The following KCNH7 variants were observed in gnomAD, a reference collection of about 807,000 sequenced individuals.
The protein encoded by KCNH7 is voltage-gated inwardly rectifying potassium channel KCNH7.
A neutral mutation model predicts 120.8 loss-of-function variants in KCNH7; 49 were observed. The ratio of observed to expected loss-of-function variants is 0.41; its 90% CI spans 0.32 to 0.51. The LOEUF (loss-of-function observed/expected upper bound fraction) is 0.51. Ranked by LOEUF, KCNH7 falls within the 20% of genes least tolerant of loss-of-function variation. The pLI, the probability that KCNH7 is intolerant of heterozygous loss-of-function variation, is 0.38. For missense variants in KCNH7, 1,097 were observed against 1,446.6 expected (o/e 0.76, Z 3.92); for synonymous variants, 547 against 516.1 (o/e 1.06, Z -0.81).
chr2:162,517,772 C>T lies in KCNH7; in HGVS notation c.850G>A (p.Val284Ile), dbSNP rs756374542. 38 of 1,587,034 alleles carry T rather than the reference C, an allele frequency of 2.4e-5. No homozygotes were observed. The highest frequency in any genetic ancestry group is 6.7e-5 in the South Asian group (6 of 89,396). The part of the protein sequence containing the change: ...SSVHDIEGFG[V>I]HPKNIFRDRH... The stretch of plus-strand genomic sequence containing the variant: ...TCTCTAAATATGTTCTTGGGGTGGA[C>T]GCCGAATCCTTCTATATCATGGACC... The change falls in exon 4 of 16, where the codon GTC becomes ATC. Residue 284 changes from valine (V) to isoleucine (I), a missense_variant. This residue lies in a region of KCNH7 where 362 missense variants were observed against 372.2 expected (regional missense o/e 0.97). Coordinates refer to ENST00000332142, the MANE Select transcript of KCNH7 (RefSeq NM_033272.4).
chr2:162,377,424 A>G (rs1283532672), intron 14 of KCNH7, among the ~76,000 whole-genome samples: 4 of 152,210 alleles, frequency 2.6e-5, no homozygotes, highest in Non-Finnish European at 5.9e-5. Flanking sequence ...TATTCATGCC[A>G]TAGTAAAGTA....
At chr2:162,696,022 C>T (rs1686274569) in intron 2 of KCNH7, among the ~76,000 whole-genome samples, 1 of 152,126 alleles carries the variant, frequency 6.6e-6, no homozygotes, top group South Asian at 2.1e-4. Flanking sequence ...ATATTGTTTG[C>T]ATAAGCTTTT....
At chr2:162,802,078 T>C (rs1475606673) in intron 2 of KCNH7, among the ~76,000 whole-genome samples, 1 of 151,796 alleles carries the variant, frequency 6.6e-6, no homozygotes, top group Admixed American at 6.6e-5. Flanking sequence ...CCCCAGAGTT[T>C]CAGATTCAGT....
rs182639043 is a variant in KCNH7 at position 162,383,723 on chromosome 2, A to G, written c.2962+965T>C. 7.9e-5 allele frequency among the ~76,000 whole-genome samples: 12 copies of G among 152,072 alleles called. No homozygotes were observed. The East Asian group carries it at 2.3e-3, about 29-fold the overall frequency. On this transcript the variant is annotated intron_variant, in intron 13 of 15. Transcript: ENST00000332142. ...CTTCCTAATCTTTACATTTTTATAC[A>G]TCCAGGGATATATTAAATTATTAAA...
In KCNH7 at chr2:162,629,878, A is replaced by G. The variant is rs183872161; in HGVS notation, c.308-92798T>C. Among the ~76,000 whole-genome samples, 64 of 152,258 alleles carry G rather than the reference A, an allele frequency of 4.2e-4. 2 individuals carry two copies. The East Asian group carries it at 0.011, about 26-fold the overall frequency. On this transcript the variant is annotated intron_variant, in intron 2 of 15. Transcript: ENST00000332142. The stretch of plus-strand genomic sequence containing the variant: ...CATTGAATTACTAATAGTGACAGAT[A>G]TAACAATACTAGAATTTAGATTTAC...
At chr2:162,627,013 C>A (rs1171390242) in intron 2 of KCNH7, among the ~76,000 whole-genome samples, 1 of 152,144 alleles carries the variant, frequency 6.6e-6, no homozygotes, top group Non-Finnish European at 1.5e-5. Flanking sequence ...ATAGAATGCA[C>A]TCCAATAAAA....
chr2:162,591,103 C>T (rs1694200779), intron 2 of KCNH7, among the ~76,000 whole-genome samples: 1 of 152,064 alleles, frequency 6.6e-6, no homozygotes, highest in South Asian at 2.1e-4. Context: ...TCTCCCTCTC[C>T]ACCTGTAAGG....
At chr2:162,516,476 A>C (rs1691301538) in intron 4 of KCNH7, among the ~76,000 whole-genome samples, 1 of 151,766 alleles carries the variant, frequency 6.6e-6, no homozygotes, top group Non-Finnish European at 1.5e-5. Context: ...ATATCTGTGC[A>C]GATGTAGAAT....
At chr2:162,423,604 C>A in intron 8 of KCNH7, 69 bp from the exon 9 acceptor site, 2 of 1,375,254 alleles carry the variant, frequency 1.5e-6, no homozygotes, top group South Asian at 1.3e-5. Flanking sequence ...GTTAGAGTAT[C>A]AAGCATGTGG....
chr2:162,599,954 A>G (rs1234227348), intron 2 of KCNH7, among the ~76,000 whole-genome samples: 4 of 152,066 alleles, frequency 2.6e-5, no homozygotes, highest in Non-Finnish European at 5.9e-5. Context: ...TTGGAGGTCT[A>G]TTTAGTATTT....
At chr2:162,723,787 G>A (rs932480623) in intron 2 of KCNH7, among the ~76,000 whole-genome samples, 3 of 152,110 alleles carry the variant, frequency 2.0e-5, no homozygotes, top group African/African-American at 7.2e-5. Context: ...ACCCACAGGT[G>A]GTGAGGAATT....
At chr2:162,825,924 G>A (rs374209568) in intron 2 of KCNH7, among the ~76,000 whole-genome samples, 1 of 151,984 alleles carries the variant, frequency 6.6e-6, no homozygotes, top group Non-Finnish European at 1.5e-5. Context: ...TTGTAACAGT[G>A]GATATCTGTT....
At chr2:162,574,562 G>C (rs1277705926) in intron 2 of KCNH7, among the ~76,000 whole-genome samples, 11 of 152,056 alleles carry the variant, frequency 7.2e-5, no homozygotes, top group Admixed American at 7.2e-4. Flanking sequence ...AAACTGCTTA[G>C]AGCCAAGAGT....
intron 2 of KCNH7, among the ~76,000 whole-genome samples, chr2:162,778,204 T>G (rs1574376877): frequency 6.6e-6 from 1 of 152,276 alleles, no homozygotes; most frequent in East Asian, 1.9e-4. Context: ...CTAATCTCAG[T>G]GCTCTATATA....
chr2:162,766,734 A>G (rs1682824612), intron 2 of KCNH7, among the ~76,000 whole-genome samples: 1 of 152,088 alleles, frequency 6.6e-6, no homozygotes, highest in East Asian at 1.9e-4. Flanking sequence ...AATTCAACAT[A>G]CACAAAAGTT....
intron 6 of KCNH7, among the ~76,000 whole-genome samples, chr2:162,455,884 C>T (rs1290623239): frequency 2.6e-5 from 4 of 152,042 alleles, no homozygotes; most frequent in Admixed American, 2.0e-4. Flanking sequence ...TTTCAAAAAG[C>T]CGGCTCCTGA....
chr2:162,529,304 A>G (rs1388006599), intron 3 of KCNH7, among the ~76,000 whole-genome samples: 1 of 151,980 alleles, frequency 6.6e-6, no homozygotes, highest in Non-Finnish European at 1.5e-5. Flanking sequence ...GTAGAGTAAG[A>G]GGAACAACAA....
intron 2 of KCNH7, among the ~76,000 whole-genome samples, chr2:162,755,834 C>A (rs920565531): frequency 6.6e-6 from 1 of 152,034 alleles, no homozygotes; most frequent in Non-Finnish European, 1.5e-5. Context: ...AAATCATTGG[C>A]ATATACTTGG....
At chr2:162,452,893 AACGG>A in intron 6 of KCNH7, among the ~76,000 whole-genome samples, 1 of 152,022 alleles carries the variant, frequency 6.6e-6, no homozygotes, top group Non-Finnish European at 1.5e-5. Context: ...GTTTCTAGGA[AACGG>A]TTGGTCTCTC....
Sources: gnomAD v4.1 joint callset for allele counts (sites outside exome capture counted in the v4.1 genomes callset) on GRCh38, gnomAD v4.1.1 for gene constraint, gnomAD v4.1.1 regional missense constraint, MANE v1.5 for transcripts, NCBI Gene and HGNC (gene_info 2026-07-23, HGNC 2026-07-21) for gene names.